The following SRCAP variants were observed in gnomAD, a reference collection of about 807,000 sequenced individuals.
The protein encoded by SRCAP is Snf2 related CREBBP activator protein.
In SRCAP, 46 loss-of-function variants were observed where a neutral mutation model predicts 263.1. That is an observed-to-expected ratio of 0.17 (90% CI 0.14 to 0.22). SRCAP has a LOEUF of 0.22. Among genes scored for constraint, SRCAP ranks in the 10% least tolerant of loss-of-function variants. The pLI, the probability that SRCAP is intolerant of heterozygous loss-of-function variation, is 1.00. For missense variants in SRCAP, 3,695 were observed against 4,181.9 expected, an observed-to-expected ratio of 0.88 and a Z score of 3.21; for synonymous variants, 1,813 against 1,662.1, an observed-to-expected ratio of 1.09 and a Z score of -2.21.
At chr16:30,726,485 C>T (rs1051758091) in intron 25 of SRCAP, among the ~76,000 whole-genome samples, 6 of 150,778 alleles carry the variant, frequency 4.0e-5, no homozygotes, top group Non-Finnish European at 8.8e-5. Context: ...CACCAGCAGT[C>T]TGTGAGGATT....
At chr16:30,704,960 TG>T (rs2052810646) in intron 4 of SRCAP, among the ~76,000 whole-genome samples, 1 of 152,206 alleles carries the variant, frequency 6.6e-6, no homozygotes. Context: ...GTGGTAAGTG[TG>T]GTCTCTGGGC....
chr16:30,721,077 TG>T, intron 20 of SRCAP, 99 bp downstream of exon 20: 1 of 1,536,140 alleles, frequency 6.5e-7, no homozygotes. Flanking sequence ...GGAGCTGGGC[TG>T]GGGACACGGG....
chr16:30,700,909 T>C (rs780909638), intron 3 of SRCAP, 31 bp downstream of exon 3: 1 of 1,610,804 alleles, frequency 6.2e-7, no homozygotes, highest in South Asian at 1.1e-5. Flanking sequence ...CCTTCTCTGC[T>C]TCTGCTTTGT....
At chr16:30,719,116 G>A (rs1244791130) in intron 18 of SRCAP, among the ~76,000 whole-genome samples, 1 of 151,940 alleles carries the variant, frequency 6.6e-6, no homozygotes, top group Non-Finnish European at 1.5e-5. Context: ...GGCTGGTCTC[G>A]AACTCCTGGC....
intron 27 of SRCAP, among the ~76,000 whole-genome samples, chr16:30,731,609 T>C (rs964394803): frequency 3.3e-5 from 5 of 152,234 alleles, no homozygotes; most frequent in Non-Finnish European, 7.3e-5. Context: ...CTCATACTTG[T>C]AATCCCAGCA....
At chr16:30,728,538 G>A (rs2053083904) in intron 25 of SRCAP, among the ~76,000 whole-genome samples, 1 of 152,188 alleles carries the variant, frequency 6.6e-6, no homozygotes. Flanking sequence ...ACCTGGTCTG[G>A]ATTTGATTGG....
intron 8 of SRCAP, chr16:30,710,420 C>G (rs1456864594): frequency 3.0e-6 from 2 of 661,454 alleles, no homozygotes; most frequent in Non-Finnish European, 5.5e-6. Context: ...TCTGAACATG[C>G]CCTAATGTTC....
chr16:30,741,250 A>AT lies in SRCAP; in HGVS notation c.*1518dup, dbSNP rs2053221899. On this transcript the variant is annotated 3_prime_UTR_variant, in exon 34 of 34. Coordinates refer to ENST00000262518, the MANE Select transcript of SRCAP (RefSeq NM_006662.3). The stretch of plus-strand genomic sequence containing the variant: ...ATTTTCCTTACCTTTCTCCATTCCC[A>AT]TAACTGTTTTCATGTAAAATGGCTG... 6.6e-6 allele frequency: 1 copy of AT among 152,472 alleles called. No homozygotes were observed. Among genetic ancestry groups the AT allele is most frequent in the South Asian group, 2.1e-4 (1 of 4,842 alleles). 9.4% of individuals were successfully genotyped at this position (152,472 alleles called of 1,614,324 possible). A position where few individuals can be genotyped will look rare whatever the true frequency, so the allele number is the denominator to read the frequency against.
At chr16:30,726,127 A>G (rs997534205) in intron 25 of SRCAP, 12 of 152,142 alleles carry the variant, frequency 7.9e-5, no homozygotes, top group African/African-American at 2.9e-4. Flanking sequence ...CATAATGTAT[A>G]ATGTGTGGTC....
chr16:30,737,762 C>T lies in SRCAP; in HGVS notation c.7722C>T (p.Thr2574=). 1 of 1,614,034 alleles carries T rather than the reference C, an allele frequency of 6.2e-7. No individual in the cohort carries two copies. Among genetic ancestry groups the T allele is most frequent in the Non-Finnish European group, 8.5e-7 (1 of 1,179,884 alleles). The part of the protein sequence containing the change: ...LELASVASSE[T]SSLSLVPPKD... ...TGGCTTCTGTGGCCAGTTCAGAAAC[C>T]TCCTCACTTTCTCTTGTGCCCCCTA... Residue 2574 remains threonine (T), a synonymous_variant, in exon 34 of 34, where the codon ACC becomes ACT. Transcript: ENST00000262518.
In SRCAP at chr16:30,739,917, C is replaced by A; in HGVS notation, c.*184C>A. The A allele has an allele frequency of 1.0e-6, 1 of 957,898 alleles. No homozygotes were observed. The highest frequency in any genetic ancestry group is 1.4e-6 in the Non-Finnish European group (1 of 691,426). The allele number at this position is 957,898 out of a possible 1,614,324, so 59.3% of individuals were successfully genotyped here. A position where few individuals can be genotyped will look rare whatever the true frequency, so the allele number is the denominator to read the frequency against. On this transcript the variant is annotated 3_prime_UTR_variant, in exon 34 of 34. Transcript: ENST00000262518. ...GTTGTCATGGAAATGGGGATCATCA[C>A]AGTCCCCTTCCCCTTCACCCCACGT...
At chr16:30,720,098 C>T (rs1330086860) in intron 18 of SRCAP, 64 bp from the exon 19 acceptor site, 3 of 1,547,142 alleles carry the variant, frequency 1.9e-6, no homozygotes, top group Non-Finnish European at 2.6e-6. Flanking sequence ...CCTCCAGCTA[C>T]ATCTGCGTTG....
At chr16:30,726,281 T>G (rs2053063678) in intron 25 of SRCAP, 1 of 152,254 alleles carries the variant, frequency 6.6e-6, no homozygotes, top group African/African-American at 2.4e-5. Context: ...AAACGTGTGT[T>G]ACTTCTGCTT....
chr16:30,705,549 G>A (rs931013108), intron 4 of SRCAP, among the ~76,000 whole-genome samples: 4 of 148,060 alleles, frequency 2.7e-5, no homozygotes, highest in East Asian at 2.1e-4. Context: ...ACAGGCGCCC[G>A]CCATCACACC....
chr16:30,717,610 C>CCT (rs71374029), intron 18 of SRCAP, among the ~76,000 whole-genome samples: 2 of 91,146 alleles, frequency 2.2e-5, no homozygotes, highest in African/African-American at 8.6e-5. Context: ...CCAAGCCTGG[C>CCT]TTTTTTTTTT....
At position 30,716,555 on chromosome 16, in the gene SRCAP, T is replaced by C. The variant is rs1179071281; in HGVS notation, c.2817+76T>C. On this transcript the variant is annotated intron_variant, in intron 18 of 33. Transcript: ENST00000262518. ...AACCATGTACCTCTTTTCGTTAGAC[T>C]GGGGTCTGACTTTTGCATCCTCATG... is the stretch of plus-strand genomic sequence containing the variant. 4 of 1,403,682 alleles carry C rather than the reference T, an allele frequency of 2.8e-6. No individual in the cohort carries two copies. The Admixed American group carries it at 6.8e-5, about 24-fold the overall frequency. The allele number at this position is 1,403,682 out of a possible 1,614,324, so 87.0% of individuals were successfully genotyped here.
At position 30,703,841 on chromosome 16, in the gene SRCAP, G is replaced by A. The variant is rs1231530465; in HGVS notation, c.55-223G>A. ...GAACCCGGGAGGCGGAGCTTGCGGT[G>A]AGCCGAGATCGCGCCACTGCACTCC... On this transcript the variant is annotated intron_variant, in intron 3 of 33. Coordinates refer to ENST00000262518, the MANE Select transcript of SRCAP (RefSeq NM_006662.3). 2.0e-5 allele frequency among the ~76,000 whole-genome samples: 3 copies of A among 152,268 alleles called. No individual in the cohort carries two copies. The South Asian group carries it at 6.2e-4, about 32-fold the overall frequency.
chr16:30,706,747 C>T (rs1006988049), intron 4 of SRCAP, among the ~76,000 whole-genome samples: 4 of 152,114 alleles, frequency 2.6e-5, no homozygotes, highest in African/African-American at 9.7e-5. Context: ...TAGAATTCTA[C>T]AATGATGATG....
intron 20 of SRCAP, 29 bp downstream of exon 20, chr16:30,721,007 C>G: frequency 1.3e-6 from 2 of 1,572,196 alleles, no homozygotes; most frequent in Non-Finnish European, 1.7e-6. Context: ...AAGGATGATG[C>G]GTGGTGCTTC....
Sources: allele counts gnomAD v4.1 joint callset (sites outside exome capture counted in the v4.1 genomes callset), GRCh38; gene constraint gnomAD v4.1.1; transcripts MANE v1.5; gene names NCBI Gene and HGNC (gene_info 2026-07-23, HGNC 2026-07-21).